Variants in RPS6KA2 observed in about 807,000 individuals in gnomAD.
RPS6KA2 encodes the protein ribosomal protein S6 kinase alpha-2.
A neutral mutation model predicts 91.8 loss-of-function variants in RPS6KA2; 42 were observed. The ratio of observed to expected loss-of-function variants is 0.46; its 90% CI spans 0.36 to 0.59. RPS6KA2 has a LOEUF of 0.59. Among genes scored for constraint, RPS6KA2 ranks in the 20% least tolerant of loss-of-function variants. The pLI is 0.00. For missense variants in RPS6KA2, 798 were observed against 978.5 expected (o/e 0.82, Z 2.46); for synonymous variants, 414 against 393.6 (o/e 1.05, Z -0.61).
At chr6:166,783,048 GTATTATTATTATTAT>G (rs71686287) in intron 2 of RPS6KA2, among the ~76,000 whole-genome samples, 23,189 of 134,468 alleles carry the variant, frequency 0.17, 2,143 homozygotes, top group African/African-American at 0.21. Context: ...TATCTTTTAG[GTATTATTATTATTAT>G]TATTATTATT....
chr6:166,533,776 G>A lies in RPS6KA2; in HGVS notation c.217-2463C>T, dbSNP rs1275610917. On this transcript the variant is annotated intron_variant, in intron 2 of 20. Transcript: ENST00000265678. This position sits in a 1 kb window ranked among gnomAD's most constrained non-coding sequence, Gnocchi z 4.0. ...CTGACATGTTAGCTCCCAAAATAAGGCATTCTTATAATCAGAAAACAAAGG... is the reference window on the plus strand; with the variant it reads ...CTGACATGTTAGCTCCCAAAATAAGACATTCTTATAATCAGAAAACAAAGG... Among the ~76,000 whole-genome samples the A allele has an allele frequency of 6.6e-6, 1 of 152,108 alleles. No individual in the cohort carries two copies. Among genetic ancestry groups the A allele is most frequent in the Admixed American group, 6.6e-5 (1 of 15,248 alleles).
intron 4 of RPS6KA2, chr6:166,509,425 G>A (rs935408415): frequency 5.9e-6 from 1 of 170,024 alleles, no homozygotes; most frequent in Admixed American, 6.5e-5. Flanking sequence ...TCTGCCGGGA[G>A]GTAGAGGTTT....
intron 2 of RPS6KA2, among the ~76,000 whole-genome samples, chr6:166,739,849 C>A (rs1790762831): frequency 1.3e-5 from 2 of 152,212 alleles, no homozygotes; most frequent in South Asian, 4.1e-4. Flanking sequence ...ATCAGGAGGG[C>A]AGTCGGGACA....
At chr6:166,822,306 G>A (rs1297891704) in intron 2 of RPS6KA2, among the ~76,000 whole-genome samples, 1 of 152,182 alleles carries the variant, frequency 6.6e-6, no homozygotes, top group African/African-American at 2.4e-5. Flanking sequence ...GCTAAGATGA[G>A]GCCACAAGGG....
At chr6:166,805,444 A>G (rs1779468651) in intron 2 of RPS6KA2, among the ~76,000 whole-genome samples, 1 of 151,526 alleles carries the variant, frequency 6.6e-6, no homozygotes, top group Non-Finnish European at 1.5e-5. Context: ...TATTTTTCTT[A>G]CCCCCTCCCC....
intron 12 of RPS6KA2, among the ~76,000 whole-genome samples, chr6:166,452,588 G>A (rs549276503): frequency 2.6e-5 from 4 of 152,244 alleles, no homozygotes; most frequent in South Asian, 4.1e-4. Flanking sequence ...ATCACAAGGA[G>A]ATAGTAACTA....
intron 2 of RPS6KA2, among the ~76,000 whole-genome samples, chr6:166,708,985 C>T (rs1005406309): frequency 3.9e-5 from 6 of 152,166 alleles, no homozygotes; most frequent in African/African-American, 1.2e-4. Flanking sequence ...CACACCGCTC[C>T]GTGTTGATAT....
intron 2 of RPS6KA2, among the ~76,000 whole-genome samples, chr6:166,670,930 C>T (rs899299948): frequency 6.6e-6 from 1 of 152,172 alleles, no homozygotes; most frequent in Non-Finnish European, 1.5e-5. Context: ...AAGTGGTTCT[C>T]GTGGCTCAGC....
chr6:166,669,801 C>T (rs1788420125), intron 2 of RPS6KA2, among the ~76,000 whole-genome samples: 2 of 152,250 alleles, frequency 1.3e-5, no homozygotes, highest in African/African-American at 4.8e-5. Context: ...TCACCCCCTC[C>T]TCATTCCTCA....
At chr6:166,598,504 C>A (rs1227820330) in intron 1 of RPS6KA2, among the ~76,000 whole-genome samples, 1 of 152,208 alleles carries the variant, frequency 6.6e-6, no homozygotes, top group Non-Finnish European at 1.5e-5. Context: ...AATGGCATTG[C>A]AAAACCAATT....
At position 166,420,063 on chromosome 6, in the gene RPS6KA2, G is replaced by A. The variant is rs536012783; in HGVS notation, c.1744-105C>T. On this transcript the variant is annotated intron_variant, in intron 17 of 20. Transcript: ENST00000265678. ...TACGCCGGCAAGCTGGGGACCAGGA[G>A]GAGGGCGGTGCCATGTCTTCGGTGT... 24 of 1,057,352 alleles carry A rather than the reference G, an allele frequency of 2.3e-5. No individual in the cohort carries two copies. The East Asian group carries it at 5.7e-4, about 25-fold the overall frequency. The allele number at this position is 1,057,352 out of a possible 1,614,324, so 65.5% of individuals were successfully genotyped here. A position where few individuals can be genotyped will look rare whatever the true frequency, so the allele number is the denominator to read the frequency against.
chr6:166,716,496 G>A (rs761354747), intron 2 of RPS6KA2, among the ~76,000 whole-genome samples: 4 of 152,090 alleles, frequency 2.6e-5, no homozygotes, highest in South Asian at 2.1e-4. Context: ...ATGAAACGAC[G>A]TCATTTGAGG....
intron 2 of RPS6KA2, among the ~76,000 whole-genome samples, chr6:166,808,137 G>A (rs772074720): frequency 1.1e-4 from 16 of 152,198 alleles, no homozygotes; most frequent in Non-Finnish European, 1.9e-4. Context: ...CAAGCTCCCC[G>A]TGGTGCTCCC....
intron 17 of RPS6KA2, among the ~76,000 whole-genome samples, chr6:166,421,032 G>A (rs1405101893): frequency 6.6e-6 from 1 of 152,164 alleles, no homozygotes; most frequent in Non-Finnish European, 1.5e-5. Context: ...GCTACCATGT[G>A]TGAGCCTGCA....
rs1787357533 is a variant in RPS6KA2 at position 166,639,423 on chromosome 6, A to G, written c.124-100639T>C. On this transcript the variant is annotated intron_variant, in intron 2 of 21. Transcript: ENST00000503859. The surrounding 1 kb of genome is among the most constrained non-coding windows in gnomAD (Gnocchi z 4.2). ...CCTTAGCTCTTGCCAGAAAATAGTAATTACTGGCTAAAGGCTTTCCCTACA... is the reference window on the plus strand; with the variant it reads ...CCTTAGCTCTTGCCAGAAAATAGTAGTTACTGGCTAAAGGCTTTCCCTACA... Among the ~76,000 whole-genome samples, 2 of 152,154 alleles carry G rather than the reference A, an allele frequency of 1.3e-5. No individual in the cohort carries two copies. The highest frequency in any genetic ancestry group is 4.8e-5 in the African/African-American group (2 of 41,424).
intron 2 of RPS6KA2, among the ~76,000 whole-genome samples, chr6:166,803,347 C>A (rs1779416613): frequency 6.6e-6 from 1 of 152,172 alleles, no homozygotes; most frequent in Non-Finnish European, 1.5e-5. Context: ...AAACCTTTCA[C>A]CAAAACAGGT....
At chr6:166,762,586 G>A (rs376090258) in intron 2 of RPS6KA2, among the ~76,000 whole-genome samples, 11 of 152,108 alleles carry the variant, frequency 7.2e-5, no homozygotes, top group East Asian at 5.8e-4. Flanking sequence ...GCTGTAAGCC[G>A]GCACCAGGGT....
At chr6:166,524,971 C>T (rs1003884995) in intron 3 of RPS6KA2, among the ~76,000 whole-genome samples, 9 of 152,176 alleles carry the variant, frequency 5.9e-5, no homozygotes, top group Non-Finnish European at 8.8e-5. Context: ...GCGCTCAGAC[C>T]AACCAACTTA....
intron 10 of RPS6KA2, among the ~76,000 whole-genome samples, chr6:166,480,890 T>G (rs1781193231): frequency 1.3e-5 from 2 of 152,116 alleles, no homozygotes; most frequent in African/African-American, 4.8e-5. Flanking sequence ...CCTTAGCTGA[T>G]CCACACGCCT....
Sources: gnomAD v4.1 joint callset for allele counts (sites outside exome capture counted in the v4.1 genomes callset) on GRCh38, gnomAD v4.1.1 for gene constraint, Gnocchi (gnomAD v3.1) non-coding constraint, MANE v1.5 for transcripts, NCBI Gene and HGNC (gene_info 2026-07-23, HGNC 2026-07-21) for gene names.